LIN28B: variants seen among roughly 807,000 people sequenced by gnomAD.
LIN28B encodes the protein lin-28 RNA binding posttranscriptional regulator B.
In LIN28B, 5 loss-of-function variants were observed where a neutral mutation model predicts 21.9. The observed-to-expected ratio is 0.23, with a 90% confidence interval of 0.12 to 0.48. The LOEUF is 0.48. Ranked by LOEUF, LIN28B falls within the 20% of genes least tolerant of loss-of-function variation. LIN28B has a pLI of 0.98. For missense variants in LIN28B, 245 were observed against 310.5 expected (o/e 0.79, Z 1.58); for synonymous variants, 109 against 111.3 (o/e 0.98, Z 0.13).
intron 2 of LIN28B, among the ~76,000 whole-genome samples, chr6:104,948,282 C>T (rs1778181164): frequency 6.6e-6 from 1 of 152,108 alleles, no homozygotes; most frequent in Non-Finnish European, 1.5e-5. Context: ...GCCTGGCCAA[C>T]ATAGTGAAAC....
chr6:105,077,646 AAAAAG>A (rs1381691154), intron 3 of LIN28B, among the ~76,000 whole-genome samples: 2 of 152,308 alleles, frequency 1.3e-5, no homozygotes, highest in South Asian at 2.1e-4. Context: ...ATTTCTTACA[AAAAAG>A]AAAAGAAAGT....
At chr6:105,049,296 A>G (rs1771841024) in intron 3 of LIN28B, among the ~76,000 whole-genome samples, 1 of 152,126 alleles carries the variant, frequency 6.6e-6, no homozygotes, top group South Asian at 2.1e-4. Context: ...TTCAGTTTCC[A>G]TGTAGTTGAG....
intron 3 of LIN28B, among the ~76,000 whole-genome samples, chr6:105,044,264 A>G (rs984831509): frequency 6.6e-6 from 1 of 152,150 alleles, no homozygotes. Flanking sequence ...TCTAATATGT[A>G]TGTTTCAGGG....
intron 2 of LIN28B, among the ~76,000 whole-genome samples, chr6:104,980,452 T>A (rs1770195835): frequency 6.6e-6 from 1 of 152,026 alleles, no homozygotes; most frequent in Admixed American, 6.6e-5. Flanking sequence ...TGACATGGAG[T>A]TCCCAGGAGG....
intron 3 of LIN28B, among the ~76,000 whole-genome samples, chr6:105,072,460 A>G (rs1301113413): frequency 6.6e-6 from 1 of 152,124 alleles, no homozygotes; most frequent in Admixed American, 6.5e-5. Flanking sequence ...CCTTCTGTAT[A>G]TAGAATATTT....
chr6:104,979,771 A>C, intron 2 of LIN28B, among the ~76,000 whole-genome samples: 1 of 152,214 alleles, frequency 6.6e-6, no homozygotes, highest in East Asian at 1.9e-4. Context: ...GTAGAGAAAC[A>C]CTATGCATTT....
At chr6:105,004,802 C>T (rs1334972771) in intron 2 of LIN28B, among the ~76,000 whole-genome samples, 2 of 152,186 alleles carry the variant, frequency 1.3e-5, no homozygotes, top group Non-Finnish European at 2.9e-5. Context: ...ATCAGGTCAT[C>T]TGCCAATTTT....
intron 2 of LIN28B, among the ~76,000 whole-genome samples, chr6:104,978,911 T>C (rs1263910380): frequency 6.6e-6 from 1 of 152,206 alleles, no homozygotes; most frequent in Non-Finnish European, 1.5e-5. Context: ...AAGCATGGCA[T>C]TCTTCTGGCA....
chr6:104,997,905 G>T (rs1770645123), intron 2 of LIN28B, among the ~76,000 whole-genome samples: 1 of 151,982 alleles, frequency 6.6e-6, no homozygotes, highest in Non-Finnish European at 1.5e-5. Flanking sequence ...TGATGAGCTT[G>T]TCTTCTTCTA....
intron 2 of LIN28B, among the ~76,000 whole-genome samples, chr6:104,949,889 A>AAATATAAGT (rs1363679541): frequency 9.2e-5 from 14 of 152,208 alleles, no homozygotes. Flanking sequence ...ACCCATTTAA[A>AAATATAAGT]AATATAAGTT....
chr6:105,028,742 TG>T lies in LIN28B; in HGVS notation c.383+2262del, dbSNP rs139623993. ...CAAGTGAAGATGTATATTAGGCAGA[TG>T]GATGCACTATATGGAGTTCCAGCAC... On this transcript the variant is annotated intron_variant, in intron 3 of 3. Coordinates refer to ENST00000345080, the MANE Select transcript of LIN28B (RefSeq NM_001004317.4). Among the ~76,000 whole-genome samples, 474 of 152,308 alleles carry T rather than the reference TG, an allele frequency of 3.1e-3. 6 individuals carry two copies. Among genetic ancestry groups the T allele is most frequent in the African/African-American group, 0.011 (452 of 41,572 alleles).
intron 3 of LIN28B, chr6:105,057,999 A>G (rs1458721847): frequency 5.7e-6 from 2 of 353,966 alleles, no homozygotes; most frequent in Non-Finnish European, 1.1e-5. Context: ...ATGGTCCCTT[A>G]TTTATTTAAT....
At chr6:104,984,271 ATG>A (rs1482261471) in intron 2 of LIN28B, among the ~76,000 whole-genome samples, 1 of 150,494 alleles carries the variant, frequency 6.6e-6, no homozygotes, top group Non-Finnish European at 1.5e-5. Context: ...AATTGTGTGT[ATG>A]TGTTACACAT....
Position 105,080,318 on chromosome 6 carries a change from CATTATA to C in LIN28B, c.*1544_*1549del, listed in dbSNP as rs1248048305. 2 of 152,558 alleles carry C rather than the reference CATTATA, an allele frequency of 1.3e-5. No homozygotes were observed. Among genetic ancestry groups the C allele is most frequent in the African/African-American group, 2.4e-5 (1 of 41,422 alleles). The allele number at this position is 152,558 out of a possible 1,614,324, so 9.5% of individuals were successfully genotyped here. ...GCTTAATATTGGGAATAAGATTAAGCATTATAATTATAATGTATGGGCCTGTTGGTG... is the reference window on the plus strand; with the variant it reads ...GCTTAATATTGGGAATAAGATTAAGCATTATAATGTATGGGCCTGTTGGTG... On this transcript the variant is annotated 3_prime_UTR_variant, in exon 4 of 4. Coordinates refer to ENST00000345080, the MANE Select transcript of LIN28B (RefSeq NM_001004317.4).
chr6:105,043,955 A>G (rs1771693524), intron 3 of LIN28B, among the ~76,000 whole-genome samples: 1 of 152,076 alleles, frequency 6.6e-6, no homozygotes. Flanking sequence ...GGTATGAAAT[A>G]TTTTTACCCA....
At chr6:104,958,565 C>G (rs1582863999) in intron 2 of LIN28B, among the ~76,000 whole-genome samples, 1 of 152,120 alleles carries the variant, frequency 6.6e-6, no homozygotes, top group Admixed American at 6.5e-5. Context: ...AAATAGTGTT[C>G]TTGTTGTTTC....
chr6:105,077,474 A>G (rs997878631), intron 3 of LIN28B, among the ~76,000 whole-genome samples: 3 of 152,120 alleles, frequency 2.0e-5, no homozygotes, highest in African/African-American at 4.8e-5. Context: ...TGATTGAACA[A>G]ATATACCTCT....
intron 2 of LIN28B, among the ~76,000 whole-genome samples, chr6:104,944,530 T>A (rs1015079046): frequency 6.6e-6 from 1 of 152,048 alleles, no homozygotes; most frequent in Non-Finnish European, 1.5e-5. Flanking sequence ...TTAAATAATT[T>A]AAAAAATAAG....
rs929185201 is a variant in LIN28B at position 104,947,344 on chromosome 6, G to A, written c.19-3117G>A. On this transcript the variant is annotated intron_variant, in intron 2 of 5. Transcript: ENST00000635857. The stretch of plus-strand genomic sequence containing the variant: ...TCACCATGTTGGCCAGGCTGGTCTC[G>A]AACTCTGGACCTCAAGTGATCCACC... Among the ~76,000 whole-genome samples the A allele has an allele frequency of 2.6e-5, 4 of 152,090 alleles. No homozygotes were observed. The South Asian group carries it at 8.3e-4, about 32-fold the overall frequency.
Sources: allele counts gnomAD v4.1 joint callset (sites outside exome capture counted in the v4.1 genomes callset), GRCh38; gene constraint gnomAD v4.1.1; transcripts MANE v1.5; gene names NCBI Gene and HGNC (gene_info 2026-07-23, HGNC 2026-07-21).